Variants in CPA6 observed in about 807,000 individuals in gnomAD.
The protein encoded by CPA6 is carboxypeptidase B.
A neutral mutation model predicts 63.3 loss-of-function variants in CPA6; 58 were observed. That is an observed-to-expected ratio of 0.92 (90% CI 0.74 to 1.14). The LOEUF is 1.14. CPA6 is among the 50% of genes most tolerant of loss of function. The pLI is 0.00. For missense variants in CPA6, 565 were observed against 526.6 expected (o/e 1.07, Z -0.71); for synonymous variants, 185 against 179.0 (o/e 1.03, Z -0.27).
intron 2 of CPA6, among the ~76,000 whole-genome samples, chr8:67,611,490 T>C (rs999754946): frequency 1.2e-4 from 19 of 152,308 alleles, no homozygotes; most frequent in African/African-American, 4.6e-4. Context: ...CTTTATCTTG[T>C]TAATCACCAC....
At chr8:67,705,614 C>G (rs1817117808) in intron 1 of CPA6, among the ~76,000 whole-genome samples, 1 of 152,190 alleles carries the variant, frequency 6.6e-6, no homozygotes, top group Admixed American at 6.5e-5. Flanking sequence ...AGATGGGTGT[C>G]TGCTTAATAT....
At chr8:67,467,565 A>G (rs1457649491) in intron 8 of CPA6, among the ~76,000 whole-genome samples, 1 of 152,098 alleles carries the variant, frequency 6.6e-6, no homozygotes, top group African/African-American at 2.4e-5. Flanking sequence ...TGGTGTCTTA[A>G]TAAGTGCTGC....
At chr8:67,532,795 T>C in intron 2 of CPA6, among the ~76,000 whole-genome samples, 1 of 152,216 alleles carries the variant, frequency 6.6e-6, no homozygotes, top group South Asian at 2.1e-4. Context: ...CCCCTTCCAA[T>C]ATCTGGTGGT....
intron 9 of CPA6, among the ~76,000 whole-genome samples, 167 bp from the exon 10 acceptor site, chr8:67,428,298 CAT>C (rs1809941583): frequency 6.6e-6 from 1 of 152,142 alleles, no homozygotes; most frequent in African/African-American, 2.4e-5. Context: ...CATTTTGCAA[CAT>C]GTTTTAGAAC....
chr8:67,632,383 G>C (rs931652016), intron 1 of CPA6, among the ~76,000 whole-genome samples: 1 of 151,886 alleles, frequency 6.6e-6, no homozygotes, highest in Non-Finnish European at 1.5e-5. Context: ...ATGTTGCCCA[G>C]GCTACTCTCA....
intron 8 of CPA6, among the ~76,000 whole-genome samples, chr8:67,448,707 GAAAAAGAA>G (rs1048734895): frequency 4.0e-5 from 5 of 125,318 alleles, no homozygotes; most frequent in Non-Finnish European, 6.7e-5. Context: ...AAGAAAGAAA[GAAAAAGAA>G]AAAAAGAAAG....
At position 67,737,116 on chromosome 8, in the gene CPA6, G is replaced by T. The variant is rs199892514; in HGVS notation, c.116+8898C>A. Among the ~76,000 whole-genome samples, 27 of 152,250 alleles carry T rather than the reference G, an allele frequency of 1.8e-4. No homozygotes were observed. In the East Asian group the frequency reaches 4.8e-3, roughly 27 times the overall value. On this transcript the variant is annotated intron_variant, in intron 1 of 10. Transcript: ENST00000297770. ...TCAACTAAATTCCCTGCTTAAAGTT[G>T]TTCATGAGCATGCTGTTGCCTTTGG...
At position 67,726,422 on chromosome 8, in the gene CPA6, G is replaced by A. The variant is rs556837562; in HGVS notation, c.116+19592C>T. 3.2e-4 allele frequency among the ~76,000 whole-genome samples: 49 copies of A among 152,284 alleles called. 1 individual carries two copies. The highest frequency in any genetic ancestry group is 1.1e-3 in the African/African-American group (45 of 41,546). The stretch of plus-strand genomic sequence containing the variant: ...GCAAATGACGACGTTTAACCTGGAC[G>A]AGGTTCTAACGATGGCTATTATTGT... On this transcript the variant is annotated intron_variant, in intron 1 of 10. Transcript: ENST00000297770.
intron 8 of CPA6, among the ~76,000 whole-genome samples, chr8:67,451,265 C>T (rs905107740): frequency 1.2e-4 from 18 of 152,188 alleles, no homozygotes; most frequent in Admixed American, 3.3e-4. Flanking sequence ...AGCTGCTTCC[C>T]GTTGCCCACA....
At chr8:67,578,873 G>A (rs1346199781) in intron 2 of CPA6, among the ~76,000 whole-genome samples, 1 of 151,852 alleles carries the variant, frequency 6.6e-6, no homozygotes, top group Non-Finnish European at 1.5e-5. Flanking sequence ...TTTGATTACT[G>A]TTTGATTAAT....
chr8:67,708,379 C>G (rs1004386019), intron 1 of CPA6, among the ~76,000 whole-genome samples: 2 of 152,074 alleles, frequency 1.3e-5, no homozygotes, highest in African/African-American at 4.8e-5. Context: ...AATTGTATAC[C>G]TTTTATTAGA....
At chr8:67,554,083 T>C (rs1813007695) in intron 2 of CPA6, among the ~76,000 whole-genome samples, 1 of 152,162 alleles carries the variant, frequency 6.6e-6, no homozygotes, top group Non-Finnish European at 1.5e-5. Flanking sequence ...TGATACAGCA[T>C]ATAGAGAGAC....
At chr8:67,461,620 A>C (rs918670291) in intron 8 of CPA6, among the ~76,000 whole-genome samples, 15 of 152,220 alleles carry the variant, frequency 9.9e-5, no homozygotes, top group Admixed American at 3.3e-4. Context: ...GGGTCTCCTC[A>C]CTTCCCAGTA....
chr8:67,550,288 A>G (rs567625551), intron 2 of CPA6, among the ~76,000 whole-genome samples: 1 of 152,220 alleles, frequency 6.6e-6, no homozygotes, highest in African/African-American at 2.4e-5. Context: ...AAGTGAGAAC[A>G]TGTGGTTTGG....
chr8:67,440,486 G>A (rs1260166566), intron 8 of CPA6, among the ~76,000 whole-genome samples: 5 of 152,080 alleles, frequency 3.3e-5, no homozygotes, highest in Non-Finnish European at 7.4e-5. Flanking sequence ...TGTGAGAATC[G>A]CTTGAACCCA....
At chr8:67,479,964 G>A (rs1811322359) in intron 8 of CPA6, among the ~76,000 whole-genome samples, 2 of 151,722 alleles carry the variant, frequency 1.3e-5, no homozygotes, top group African/African-American at 4.8e-5. Flanking sequence ...AACAGCCCCC[G>A]GCTCCACTTT....
intron 2 of CPA6, among the ~76,000 whole-genome samples, chr8:67,580,133 ACT>A (rs1813731341): frequency 6.6e-6 from 1 of 151,530 alleles, no homozygotes; most frequent in African/African-American, 2.4e-5. Context: ...GGGAAGAAAA[ACT>A]CTCTTTTGGT....
At chr8:67,638,427 G>T (rs1035180219) in intron 1 of CPA6, among the ~76,000 whole-genome samples, 1 of 151,474 alleles carries the variant, frequency 6.6e-6, no homozygotes, top group East Asian at 1.9e-4. Context: ...AATTTAAATT[G>T]ATATGGTCCA....
chr8:67,691,086 T>A (rs920459098), intron 1 of CPA6, among the ~76,000 whole-genome samples: 1 of 152,212 alleles, frequency 6.6e-6, no homozygotes, highest in East Asian at 1.9e-4. Flanking sequence ...CTTTTCTTTT[T>A]CCCATTCACT....
Sources: gnomAD v4.1 joint callset for allele counts (sites outside exome capture counted in the v4.1 genomes callset) on GRCh38, gnomAD v4.1.1 for gene constraint, MANE v1.5 for transcripts, NCBI Gene and HGNC (gene_info 2026-07-23, HGNC 2026-07-21) for gene names.